The following CNTN6 variants were observed in gnomAD, a reference collection of about 807,000 sequenced individuals.
The protein encoded by CNTN6 is contactin-6.
CNTN6 carries 137 observed loss-of-function variants against 122.8 expected under a neutral mutation model. That is an observed-to-expected ratio of 1.12 (90% confidence interval 0.97 to 1.29). CNTN6 has a LOEUF of 1.29. Among genes scored for constraint, CNTN6 ranks in the 50% most tolerant of loss-of-function variants. The pLI is 0.00. For missense variants in CNTN6, 1,634 were observed against 1,223.4 expected, an observed-to-expected ratio of 1.34 and a Z score of -5.01; for synonymous variants, 570 against 426.0, an observed-to-expected ratio of 1.34 and a Z score of -4.16.
intron 20 of CNTN6, among the ~76,000 whole-genome samples, chr3:1,390,333 G>T (rs1228750725): frequency 6.6e-6 from 1 of 151,820 alleles, no homozygotes; most frequent in African/African-American, 2.4e-5. Context: ...CGAAATGAAG[G>T]CAGAAATAAA....
intron 1 of CNTN6, among the ~76,000 whole-genome samples, chr3:1,106,384 G>A (rs1335280458): frequency 6.6e-6 from 1 of 152,002 alleles, no homozygotes; most frequent in Non-Finnish European, 1.5e-5. Context: ...GATGTTATTT[G>A]ACTTTGGCAG....
At chr3:1,128,388 T>C (rs945508832) in intron 1 of CNTN6, 4 of 152,014 alleles carry the variant, frequency 2.6e-5, no homozygotes, top group Non-Finnish European at 4.4e-5. Flanking sequence ...GTAACAGTTA[T>C]AGTGTTCTTT....
chr3:1,104,625 A>AT (rs2091127923), intron 1 of CNTN6, among the ~76,000 whole-genome samples: 1 of 152,062 alleles, frequency 6.6e-6, no homozygotes, highest in Non-Finnish European at 1.5e-5. Flanking sequence ...CATTTAATAC[A>AT]TTTTTCCAGT....
intron 2 of CNTN6, among the ~76,000 whole-genome samples, chr3:1,208,533 T>C (rs1261182217): frequency 6.6e-6 from 1 of 152,136 alleles, no homozygotes; most frequent in Admixed American, 6.6e-5. Context: ...ATTATATTTA[T>C]ACTTTTGGTG....
At chr3:1,124,652 T>C (rs2092093393) in intron 1 of CNTN6, among the ~76,000 whole-genome samples, 1 of 151,494 alleles carries the variant, frequency 6.6e-6, no homozygotes, top group African/African-American at 2.4e-5. Flanking sequence ...AACTTATACA[T>C]GTAACAAAAA....
intron 12 of CNTN6, among the ~76,000 whole-genome samples, chr3:1,366,209 A>G (rs930070394): frequency 6.6e-6 from 1 of 152,330 alleles, no homozygotes; most frequent in South Asian, 2.1e-4. Flanking sequence ...AATATGCAAG[A>G]AGAATAGCAT....
chr3:1,214,607 G>A (rs2094103901), intron 2 of CNTN6, among the ~76,000 whole-genome samples: 2 of 152,010 alleles, frequency 1.3e-5, no homozygotes, highest in Admixed American at 1.3e-4. Context: ...ACTGTGCCCG[G>A]CTCAGATGCC....
chr3:1,388,333 A>C (rs1055780753), intron 20 of CNTN6, among the ~76,000 whole-genome samples: 1 of 146,152 alleles, frequency 6.8e-6, no homozygotes. Flanking sequence ...GTATGCCAAC[A>C]GACCTGAAGC....
At chr3:1,241,685 G>A (rs1359420509) in intron 4 of CNTN6, among the ~76,000 whole-genome samples, 2 of 152,058 alleles carry the variant, frequency 1.3e-5, no homozygotes, top group African/African-American at 4.8e-5. Context: ...TTTTTATGTT[G>A]TCATACACCA....
At chr3:1,283,670 C>G (rs527924833) in intron 5 of CNTN6, among the ~76,000 whole-genome samples, 20 of 152,154 alleles carry the variant, frequency 1.3e-4, no homozygotes, top group Middle Eastern at 3.4e-3. Flanking sequence ...TCACTTTATC[C>G]AAAGTAAAGA....
At chr3:1,130,954 A>G (rs994902124) in intron 1 of CNTN6, among the ~76,000 whole-genome samples, 1 of 152,126 alleles carries the variant, frequency 6.6e-6, no homozygotes, top group Non-Finnish European at 1.5e-5. Flanking sequence ...AGATTCTTTG[A>G]GTGTAAATAA....
chr3:1,334,345 AC>A (rs1702742574), intron 11 of CNTN6, among the ~76,000 whole-genome samples: 1 of 150,710 alleles, frequency 6.6e-6, no homozygotes, highest in Admixed American at 6.6e-5. Context: ...AAGTGGCGTG[AC>A]TTGAGTAGAA....
At chr3:1,397,865 C>A (rs1208673227) in intron 20 of CNTN6, among the ~76,000 whole-genome samples, 1 of 152,076 alleles carries the variant, frequency 6.6e-6, no homozygotes, top group Non-Finnish European at 1.5e-5. Context: ...ATGTCAACCC[C>A]ATGCTGTTAC....
At chr3:1,302,041 G>A (rs545431620) in intron 7 of CNTN6, among the ~76,000 whole-genome samples, 3 of 152,014 alleles carry the variant, frequency 2.0e-5, no homozygotes, top group African/African-American at 4.8e-5. Context: ...CATAAAAGGC[G>A]ACACACTCAC....
intron 2 of CNTN6, among the ~76,000 whole-genome samples, chr3:1,185,253 A>C (rs1469476911): frequency 6.6e-6 from 1 of 152,170 alleles, no homozygotes; most frequent in Admixed American, 6.6e-5. Context: ...GCGTTTCATA[A>C]TTTTTGAAAA....
intron 4 of CNTN6, among the ~76,000 whole-genome samples, chr3:1,257,418 T>C (rs2094777074): frequency 6.6e-6 from 1 of 152,164 alleles, no homozygotes; most frequent in African/African-American, 2.4e-5. Flanking sequence ...AAACATTATT[T>C]AAGCCCTATG....
chr3:1,263,514 C>A (rs1405102288), intron 4 of CNTN6, among the ~76,000 whole-genome samples: 1 of 152,110 alleles, frequency 6.6e-6, no homozygotes, highest in Non-Finnish European at 1.5e-5. Context: ...GTTTTGCAGC[C>A]TAGCTACCAC....
chr3:1,232,165 A>G (rs977821027), intron 4 of CNTN6, among the ~76,000 whole-genome samples: 1 of 152,244 alleles, frequency 6.6e-6, no homozygotes, highest in African/African-American at 2.4e-5. Flanking sequence ...CAATGAAAAG[A>G]TAAACATTTA....
Position 1,278,461 on chromosome 3 carries a change from A to C in CNTN6, c.407A>C (p.Glu136Ala). 6.2e-7 allele frequency: 1 copy of C among 1,612,876 alleles called. No individual in the cohort carries two copies. Among genetic ancestry groups the C allele is most frequent in the Non-Finnish European group, 8.5e-7 (1 of 1,179,144 alleles). Residue 136 changes from glutamate (E) to alanine (A), a missense_variant, in exon 5 of 23, where the codon GAA becomes GCA. Transcript: ENST00000446702. ...ACAAGAAGCACAGTATCTGTCCGAG[A>C]AGGTCAAGGTGTGGTGCTTCTCTGT... is the stretch of plus-strand genomic sequence containing the variant. ...TKTRSTVSVR[E>A]GQGVVLLCGP...
Sources: allele counts gnomAD v4.1 joint callset (sites outside exome capture counted in the v4.1 genomes callset), GRCh38; gene constraint gnomAD v4.1.1; transcripts MANE v1.5; gene names NCBI Gene and HGNC (gene_info 2026-07-23, HGNC 2026-07-21).